The following ITGBL1 variants were observed in gnomAD, a reference collection of about 807,000 sequenced individuals.
ITGBL1 encodes integrin subunit beta like 1.
A neutral mutation model predicts 68.5 loss-of-function variants in ITGBL1; 51 were observed. The ratio of observed to expected loss-of-function variants is 0.74; its 90% CI spans 0.59 to 0.94. The LOEUF is 0.94. ITGBL1 is among the 40% of genes least tolerant of loss of function. The probability of loss-of-function intolerance (pLI) is 0.00; values close to 1 mark genes in which losing one functional copy is unlikely to be tolerated. For missense variants in ITGBL1, 649 were observed against 647.4 expected, an observed-to-expected ratio of 1.00 and a Z score of -0.03; for synonymous variants, 209 against 227.3, an observed-to-expected ratio of 0.92 and a Z score of 0.72.
chr13:101,538,770 A>C (rs138029587), intron 2 of ITGBL1, among the ~76,000 whole-genome samples: 1 of 152,310 alleles, frequency 6.6e-6, no homozygotes, highest in Non-Finnish European at 1.5e-5. Flanking sequence ...GGAAAATTAC[A>C]TGAGAGCAGA....
At chr13:101,681,243 T>G (rs1439204051) in intron 7 of ITGBL1, among the ~76,000 whole-genome samples, 2 of 152,108 alleles carry the variant, frequency 1.3e-5, no homozygotes, top group African/African-American at 2.4e-5. Context: ...ACTTTAAATG[T>G]GACCATATAG....
intron 7 of ITGBL1, among the ~76,000 whole-genome samples, chr13:101,632,172 T>C (rs2032006955): frequency 6.6e-6 from 1 of 151,780 alleles, no homozygotes; most frequent in Admixed American, 6.6e-5. Flanking sequence ...TATCTGACAA[T>C]AAGCTATACC....
At chr13:101,719,808 G>A (rs552744431), downstream of ITGBL1, 2 of 151,932 alleles carry the variant, frequency 1.3e-5, no homozygotes, top group Non-Finnish European at 2.9e-5. Context: ...TTTACTATAC[G>A]GAACATCAGT....
At chr13:101,605,821 C>CGT (rs2139352908) in intron 7 of ITGBL1, among the ~76,000 whole-genome samples, 1 of 149,128 alleles carries the variant, frequency 6.7e-6, no homozygotes, top group African/African-American at 2.5e-5. Context: ...CATGTATGTG[C>CGT]ATATGTGTAT....
chr13:101,454,399 T>TTCCCCCC (rs2048210934), intron 2 of ITGBL1, among the ~76,000 whole-genome samples: 5 of 135,806 alleles, frequency 3.7e-5, no homozygotes, highest in Non-Finnish European at 6.6e-5. Context: ...CCCTGGCTGG[T>TTCCCCCC]CCCCCCCCCC....
chr13:101,697,319 A>G (rs535049933), intron 8 of ITGBL1, among the ~76,000 whole-genome samples: 1 of 152,164 alleles, frequency 6.6e-6, no homozygotes, highest in Non-Finnish European at 1.5e-5. Context: ...TGATGACACT[A>G]TGTTGTATTT....
Position 101,452,796 on chromosome 13 carries a change from A to C in ITGBL1, c.-38A>C. 6.4e-7 allele frequency: 1 copy of C among 1,565,616 alleles called. No homozygotes were observed. The highest frequency in any genetic ancestry group is 8.8e-7 in the Non-Finnish European group (1 of 1,136,496). On this transcript the variant is annotated 5_prime_UTR_variant, in exon 1 of 11. Transcript: ENST00000376180. ...CCTCCCTCGGTGAACCCCACCTTGCAGAAGTGCAGCTCGCCCGGAGCAGCC... is the reference window on the plus strand; with the variant it reads ...CCTCCCTCGGTGAACCCCACCTTGCCGAAGTGCAGCTCGCCCGGAGCAGCC...
At chr13:101,468,282 G>T (rs1288371919) in intron 2 of ITGBL1, among the ~76,000 whole-genome samples, 1 of 152,118 alleles carries the variant, frequency 6.6e-6, no homozygotes, top group Non-Finnish European at 1.5e-5. Flanking sequence ...TTAACTATGT[G>T]CTCGAGAGAC....
chr13:101,615,821 A>G (rs964336619), intron 7 of ITGBL1, among the ~76,000 whole-genome samples: 6 of 152,054 alleles, frequency 3.9e-5, no homozygotes, highest in Admixed American at 3.9e-4. Flanking sequence ...TAATAAATAA[A>G]TAACAAAAGA....
chr13:101,504,193 A>G (rs950571141), intron 2 of ITGBL1, among the ~76,000 whole-genome samples: 1 of 152,208 alleles, frequency 6.6e-6, no homozygotes, highest in Non-Finnish European at 1.5e-5. Flanking sequence ...TGGTTAGGAT[A>G]CATACACTTA....
At chr13:101,539,708 C>T (rs1264595211) in intron 2 of ITGBL1, among the ~76,000 whole-genome samples, 4 of 151,504 alleles carry the variant, frequency 2.6e-5, no homozygotes, top group Non-Finnish European at 5.9e-5. Flanking sequence ...TCCTCTCCAG[C>T]ACCTGTTGTT....
At chr13:101,566,201 A>T (rs1229237304) in intron 2 of ITGBL1, among the ~76,000 whole-genome samples, 2 of 152,174 alleles carry the variant, frequency 1.3e-5, no homozygotes, top group Non-Finnish European at 2.9e-5. Flanking sequence ...TGGCAATTCC[A>T]TATGGTTCAA....
chr13:101,689,758 G>T (rs776584059), intron 7 of ITGBL1, among the ~76,000 whole-genome samples: 1 of 152,056 alleles, frequency 6.6e-6, no homozygotes, highest in Non-Finnish European at 1.5e-5. Flanking sequence ...TATGTTTGTG[G>T]GAGACATGAG....
At chr13:101,531,972 G>A (rs991425923) in intron 2 of ITGBL1, among the ~76,000 whole-genome samples, 4 of 151,926 alleles carry the variant, frequency 2.6e-5, no homozygotes, top group African/African-American at 9.7e-5. Context: ...CTGACCTCGT[G>A]ATCTGCCCAC....
chr13:101,567,960 G>T, intron 3 of ITGBL1, 115 bp downstream of exon 3: 1 of 787,002 alleles, frequency 1.3e-6, no homozygotes, highest in South Asian at 2.0e-5. Context: ...TTTTGAGTAT[G>T]TTTTTTAGAA....
At chr13:101,630,420 A>G (rs2031938176) in intron 7 of ITGBL1, among the ~76,000 whole-genome samples, 1 of 151,944 alleles carries the variant, frequency 6.6e-6, no homozygotes, top group Non-Finnish European at 1.5e-5. Flanking sequence ...TGTATTTCTC[A>G]CTTGTATATT....
chr13:101,486,357 G>A (rs2048702954), intron 2 of ITGBL1, among the ~76,000 whole-genome samples: 1 of 152,124 alleles, frequency 6.6e-6, no homozygotes, highest in Admixed American at 6.6e-5. Flanking sequence ...GTGTGAGATG[G>A]GTGAGGGATA....
chr13:101,544,766 C>A (rs980963755), intron 2 of ITGBL1, among the ~76,000 whole-genome samples: 8 of 152,196 alleles, frequency 5.3e-5, no homozygotes, highest in African/African-American at 1.9e-4. Context: ...GGCACCCCTC[C>A]CCGAGCCTTG....
chr13:101,533,391 A>G (rs1289242604), intron 2 of ITGBL1, among the ~76,000 whole-genome samples: 1 of 152,216 alleles, frequency 6.6e-6, no homozygotes, highest in Admixed American at 6.5e-5. Flanking sequence ...GATTGGACCT[A>G]CTGTCTTCAA....
Sources: gnomAD v4.1 joint callset for allele counts (sites outside exome capture counted in the v4.1 genomes callset) on GRCh38, gnomAD v4.1.1 for gene constraint, MANE v1.5 for transcripts, NCBI Gene and HGNC (gene_info 2026-07-23, HGNC 2026-07-21) for gene names.